ARHGAP10: variants seen among roughly 807,000 people sequenced by gnomAD.
ARHGAP10 encodes the protein Rho GTPase activating protein 10, also known as rho GTPase-activating protein 10.
A neutral mutation model predicts 108.6 loss-of-function variants in ARHGAP10; 87 were observed. The observed-to-expected ratio is 0.80, with a 90% CI of 0.67 to 0.96. ARHGAP10 has a LOEUF of 0.96. Ranked by LOEUF, ARHGAP10 falls within the 40% of genes least tolerant of loss-of-function variation. ARHGAP10 has a pLI of 0.00. For missense variants in ARHGAP10, 939 were observed against 954.5 expected (o/e 0.98, Z 0.21); for synonymous variants, 347 against 341.1 (o/e 1.02, Z -0.19).
intron 10 of ARHGAP10, among the ~76,000 whole-genome samples, chr4:147,903,307 A>G (rs771674342): frequency 1.4e-4 from 22 of 152,120 alleles, no homozygotes; most frequent in Non-Finnish European, 2.5e-4. Context: ...CTGAGAGACT[A>G]CTTTTTAAAG....
chr4:147,883,428 G>A (rs902969912), intron 10 of ARHGAP10, among the ~76,000 whole-genome samples: 5 of 152,146 alleles, frequency 3.3e-5, no homozygotes, highest in Non-Finnish European at 7.3e-5. Flanking sequence ...AACACAAGTC[G>A]AGCATACATC....
intron 3 of ARHGAP10, among the ~76,000 whole-genome samples, chr4:147,846,208 C>T (rs1301208870): frequency 1.3e-5 from 2 of 152,068 alleles, no homozygotes; most frequent in African/African-American, 4.8e-5. Context: ...TTGGGAGAAA[C>T]CCTCACATAA....
intron 1 of ARHGAP10, among the ~76,000 whole-genome samples, chr4:147,737,236 C>T (rs1299605335): frequency 2.0e-5 from 3 of 152,040 alleles, no homozygotes; most frequent in Non-Finnish European, 4.4e-5. Flanking sequence ...GGGCAACCTC[C>T]GTCTCCCGGG....
At chr4:148,008,396 G>A (rs1027778382) in intron 18 of ARHGAP10, among the ~76,000 whole-genome samples, 1 of 151,822 alleles carries the variant, frequency 6.6e-6, no homozygotes, top group African/African-American at 2.4e-5. Flanking sequence ...TTAAAGTGGT[G>A]GATCTCAACC....
intron 10 of ARHGAP10, among the ~76,000 whole-genome samples, chr4:147,899,809 C>CT (rs921885632): frequency 1.5e-4 from 23 of 150,416 alleles, no homozygotes; most frequent in African/African-American, 3.9e-4. Flanking sequence ...ACTTTAAAAA[C>CT]TTTTTTTGGC....
intron 18 of ARHGAP10, among the ~76,000 whole-genome samples, chr4:148,019,834 G>T (rs1741495444): frequency 6.6e-6 from 1 of 151,884 alleles, no homozygotes; most frequent in Admixed American, 6.6e-5. Context: ...AGATTTAAAA[G>T]CCAGGATAGT....
At chr4:147,742,685 C>T (rs1249303310) in intron 1 of ARHGAP10, among the ~76,000 whole-genome samples, 1 of 151,684 alleles carries the variant, frequency 6.6e-6, no homozygotes, top group Non-Finnish European at 1.5e-5. Flanking sequence ...GGGGTTTCAC[C>T]ATGTTTGCCA....
At chr4:147,771,065 C>A (rs1730057109) in intron 1 of ARHGAP10, among the ~76,000 whole-genome samples, 1 of 152,046 alleles carries the variant, frequency 6.6e-6, no homozygotes, top group African/African-American at 2.4e-5. Context: ...TAATTACCTC[C>A]TTAAAGACCC....
At chr4:147,851,548 TC>T (rs2126824030) in intron 4 of ARHGAP10, among the ~76,000 whole-genome samples, 1 of 152,350 alleles carries the variant, frequency 6.6e-6, no homozygotes, top group South Asian at 2.1e-4. Flanking sequence ...TTCCAAAGAT[TC>T]TATAAATTAC....
intron 10 of ARHGAP10, among the ~76,000 whole-genome samples, chr4:147,906,339 A>G (rs1003825046): frequency 3.3e-5 from 5 of 152,216 alleles, no homozygotes; most frequent in African/African-American, 1.2e-4. Flanking sequence ...TACACACACA[A>G]TGGAATATTA....
chr4:147,873,671 CAAA>C, intron 7 of ARHGAP10, among the ~76,000 whole-genome samples: 1 of 136,038 alleles, frequency 7.4e-6, no homozygotes, highest in East Asian at 2.1e-4. Flanking sequence ...TACAAAAAAA[CAAA>C]AAACAAAACA....
chr4:147,954,586 T>G (rs1333226998), intron 15 of ARHGAP10, among the ~76,000 whole-genome samples: 1 of 152,036 alleles, frequency 6.6e-6, no homozygotes, highest in Non-Finnish European at 1.5e-5. Context: ...TCTTAATATC[T>G]TGCGAGATTA....
rs371998598 is a variant in ARHGAP10, at chr4:147,751,883, G to GTT, written c.154+19448_154+19449dup. On this transcript the variant is annotated intron_variant, in intron 1 of 22. Transcript: ENST00000336498. ...AGTTATACACTTTCTGAAGCCTTTA[G>GTT]TTTTTTTTTTTTTTTTTTTTTAAGA... Among the ~76,000 whole-genome samples, 750 of 126,258 alleles carry GTT rather than the reference G, an allele frequency of 5.9e-3. 8 individuals are homozygous for GTT. Among genetic ancestry groups the GTT allele is most frequent in the African/African-American group, 0.018 (612 of 34,266 alleles). The allele number at this position is 126,258 out of a possible 152,430, so 82.8% of individuals were successfully genotyped here.
intron 12 of ARHGAP10, among the ~76,000 whole-genome samples, chr4:147,911,654 G>T (rs577547570): frequency 6.6e-6 from 1 of 151,892 alleles, no homozygotes; most frequent in East Asian, 1.9e-4. Context: ...GAGCCACCGC[G>T]CCTGGCCTCT....
intron 16 of ARHGAP10, among the ~76,000 whole-genome samples, chr4:147,961,089 C>G (rs913491788): frequency 6.6e-6 from 1 of 152,090 alleles, no homozygotes; most frequent in African/African-American, 2.4e-5. Context: ...TTGGGTCGGT[C>G]ATAGGGTATG....
chr4:147,909,265 C>T (rs1207552965), intron 11 of ARHGAP10, among the ~76,000 whole-genome samples: 1 of 152,160 alleles, frequency 6.6e-6, no homozygotes, highest in African/African-American at 2.4e-5. Context: ...TGCACGGAGC[C>T]CCCATGCCCT....
chr4:147,997,334 A>G (rs1332231352), intron 18 of ARHGAP10, among the ~76,000 whole-genome samples: 5 of 152,260 alleles, frequency 3.3e-5, no homozygotes, highest in Non-Finnish European at 7.3e-5. Context: ...ACTTACTAAA[A>G]TTAATCTCTA....
chr4:147,904,225 T>C (rs925491708), intron 10 of ARHGAP10, among the ~76,000 whole-genome samples: 2 of 152,076 alleles, frequency 1.3e-5, no homozygotes, highest in African/African-American at 4.8e-5. Context: ...TTTCTTTCTT[T>C]CTTTCTTTAT....
At chr4:148,006,802 CT>C (rs1390863463) in intron 18 of ARHGAP10, among the ~76,000 whole-genome samples, 1 of 152,218 alleles carries the variant, frequency 6.6e-6, no homozygotes, top group Non-Finnish European at 1.5e-5. Flanking sequence ...TAGTTACCCT[CT>C]CTTCATATTG....
Sources: allele counts gnomAD v4.1 joint callset (sites outside exome capture counted in the v4.1 genomes callset), GRCh38; gene constraint gnomAD v4.1.1; transcripts MANE v1.5; gene names NCBI Gene and HGNC (gene_info 2026-07-23, HGNC 2026-07-21).